The following ARFGEF1 variants were observed in gnomAD, a reference collection of about 807,000 sequenced individuals.
ARFGEF1 encodes the protein ARF guanine nucleotide exchange factor 1, also known as brefeldin A-inhibited guanine nucleotide-exchange protein 1.
In ARFGEF1, 42 loss-of-function variants were observed where a neutral mutation model predicts 231.0. That is an observed-to-expected ratio of 0.18 (90% confidence interval 0.14 to 0.24). The LOEUF is 0.24. ARFGEF1 is among the 10% of genes least tolerant of loss of function. The pLI, the probability that ARFGEF1 is intolerant of heterozygous loss-of-function variation, is 1.00. For synonymous variants in ARFGEF1, 710 were observed against 732.3 expected, an observed-to-expected ratio of 0.97 and a Z score of 0.49; for missense variants, 1,345 against 2,192.0, an observed-to-expected ratio of 0.61 and a Z score of 7.72.
In ARFGEF1 at chr8:67,204,695, G is replaced by A. The variant is rs746594851; in HGVS notation, c.4944C>T (p.Asn1648=). The stretch of plus-strand genomic sequence containing the variant: ...ATCTCCTTACCTGTGCTGCAGCTAA[G>A]TTTTCTGCATCTTCTTTCTTACTTG... ...PATSKKEDAE[N]LAAAQRDAVD... is the part of the protein sequence containing the mutation. The change falls in exon 35 of 39, where the codon AAC becomes AAT. Residue 1648 remains asparagine (N), a synonymous_variant. Transcript: ENST00000262215. 30 of 1,613,560 alleles carry A rather than the reference G, an allele frequency of 1.9e-5. No individual in the cohort carries two copies. The highest frequency in any genetic ancestry group is 3.3e-4 in the Middle Eastern group (2 of 6,084).
chr8:67,262,683 A>G (rs542717817), intron 14 of ARFGEF1, among the ~76,000 whole-genome samples: 17 of 152,344 alleles, frequency 1.1e-4, no homozygotes, highest in Admixed American at 8.5e-4. Context: ...AGCTTTCAGC[A>G]ATCACCACCC....
At chr8:67,333,537 C>A (rs1362746716) in intron 1 of ARFGEF1, among the ~76,000 whole-genome samples, 1 of 151,746 alleles carries the variant, frequency 6.6e-6, no homozygotes, top group African/African-American at 2.4e-5. Context: ...TGGTATTGAA[C>A]TCCTGGGATC....
chr8:67,265,202 T>G (rs994630759), intron 14 of ARFGEF1, among the ~76,000 whole-genome samples: 3 of 152,206 alleles, frequency 2.0e-5, no homozygotes. Context: ...AGAATATGTG[T>G]ACATTTTTGT....
intron 1 of ARFGEF1, among the ~76,000 whole-genome samples, chr8:67,311,231 G>A (rs1437174461): frequency 1.4e-5 from 2 of 143,760 alleles, no homozygotes; most frequent in East Asian, 2.1e-4. Context: ...CCGTCCGGGA[G>A]GGAGGTGGGG....
chr8:67,320,655 G>A (rs1257944029), intron 1 of ARFGEF1, among the ~76,000 whole-genome samples: 2 of 152,138 alleles, frequency 1.3e-5, no homozygotes, highest in Non-Finnish European at 2.9e-5. Context: ...CATACACTCA[G>A]CAGTAAAAAA....
chr8:67,219,248 T>C (rs1479624622), intron 30 of ARFGEF1, among the ~76,000 whole-genome samples, 183 bp downstream of exon 30: 1 of 152,264 alleles, frequency 6.6e-6, no homozygotes, highest in South Asian at 2.1e-4. Flanking sequence ...ATTACAGGCG[T>C]GAGCCACTGC....
chr8:67,337,425 A>T (rs1338236796), intron 1 of ARFGEF1, among the ~76,000 whole-genome samples: 1 of 152,148 alleles, frequency 6.6e-6, no homozygotes, highest in Non-Finnish European at 1.5e-5. Flanking sequence ...TGTGGATTCC[A>T]AAATATATTC....
At chr8:67,243,536 A>G (rs1015449590) in intron 19 of ARFGEF1, among the ~76,000 whole-genome samples, 3 of 152,206 alleles carry the variant, frequency 2.0e-5, no homozygotes, top group Non-Finnish European at 2.9e-5. Flanking sequence ...GGTCTCTCTC[A>G]TGACACATGG....
chr8:67,194,594 T>C (rs1837354322), downstream of ARFGEF1, among the ~76,000 whole-genome samples: 3 of 152,282 alleles, frequency 2.0e-5, no homozygotes, highest in South Asian at 6.2e-4. Context: ...TTTTAATGTC[T>C]ACACTGTTTT....
intron 38 of ARFGEF1, 190 bp from the exon 39 acceptor site, chr8:67,199,288 C>T: frequency 1.8e-6 from 1 of 554,812 alleles, no homozygotes; most frequent in South Asian, 2.5e-5. Flanking sequence ...AAACACTATT[C>T]ACTTACATAT....
At chr8:67,186,964 A>G (rs1171021892) in intron 5 of ARFGEF1, among the ~76,000 whole-genome samples, 2 of 141,430 alleles carry the variant, frequency 1.4e-5, no homozygotes, top group Non-Finnish European at 3.1e-5. Flanking sequence ...GTATAAATCT[A>G]TCTATCATCT....
chr8:67,189,631 T>G lies in ARFGEF1; in HGVS notation c.560+10765A>C, dbSNP rs562309061. On this transcript the variant is annotated intron_variant, in intron 5 of 5. Coordinates refer to the ARFGEF1 transcript ENST00000518789. ...TATAAATGTTAAATTTTCTGAATGT[T>G]ATAATTAGATTTTTGCAGTGTAGGA... Among the ~76,000 whole-genome samples, 8 of 152,316 alleles carry G rather than the reference T, an allele frequency of 5.3e-5. No homozygotes were observed. In the South Asian group the frequency reaches 1.7e-3, roughly 32 times the overall value.
chr8:67,281,909 T>A (rs1805551740), intron 7 of ARFGEF1, among the ~76,000 whole-genome samples: 1 of 152,108 alleles, frequency 6.6e-6, no homozygotes, highest in African/African-American at 2.4e-5. Flanking sequence ...CTTTCCTGAA[T>A]GACGTAAAAG....
At chr8:67,220,064 C>A (rs1358941829) in intron 29 of ARFGEF1, among the ~76,000 whole-genome samples, 1 of 152,200 alleles carries the variant, frequency 6.6e-6, no homozygotes, top group Non-Finnish European at 1.5e-5. Context: ...GGCATAAGCT[C>A]CATGAGGGGA....
rs543512554 is a variant in ARFGEF1, at chr8:67,197,940, T to C, written c.*994A>G. The stretch of plus-strand genomic sequence containing the variant: ...TCCGCAAACCATGCCAGATTTGTTA[T>C]TTTAATATATTCAACGTTAAATTCT... On this transcript the variant is annotated 3_prime_UTR_variant, in exon 39 of 39. Coordinates refer to ENST00000262215, the MANE Select transcript of ARFGEF1 (RefSeq NM_006421.5). 4.1e-6 allele frequency: 4 copies of C among 985,876 alleles called. No individual in the cohort carries two copies. In the African/African-American group the frequency reaches 5.2e-5, roughly 13 times the overall value. 61.1% of individuals were successfully genotyped at this position (985,876 alleles called of 1,614,324 possible). A position where few individuals can be genotyped will look rare whatever the true frequency, so the allele number is the denominator to read the frequency against.
Position 67,240,255 on chromosome 8 carries a change from C to G in ARFGEF1, c.2886G>C (p.Val962=), listed in dbSNP as rs754013968. The part of the protein sequence containing the change: ...AWTPFLAAFS[V]GLQDCDDTEV... The stretch of plus-strand genomic sequence containing the variant: ...CAGTATCATCACAATCTTGTAGACC[C>G]ACACTGAATGCAGCCAGAAAAGGCG... Residue 962 remains valine, a synonymous_variant, in exon 20 of 39, where the codon GTG becomes GTC. Transcript: ENST00000262215. 4 of 1,608,956 alleles carry G rather than the reference C, an allele frequency of 2.5e-6. No individual in the cohort carries two copies. In the South Asian group the frequency reaches 4.5e-5, roughly 18 times the overall value.
chr8:67,302,561 C>T, intron 1 of ARFGEF1, 95 bp from the exon 2 acceptor site: 3 of 864,766 alleles, frequency 3.5e-6, no homozygotes, highest in Non-Finnish European at 5.1e-6. Flanking sequence ...GGAACTTCTA[C>T]AAAAAGTTGG....
At chr8:67,306,989 G>C (rs1158634580) in intron 1 of ARFGEF1, among the ~76,000 whole-genome samples, 1 of 152,184 alleles carries the variant, frequency 6.6e-6, no homozygotes, top group Non-Finnish European at 1.5e-5. Context: ...ATGTTGGCCA[G>C]GCTGGTCTCG....
intron 23 of ARFGEF1, 104 bp downstream of exon 23, chr8:67,232,751 T>C: frequency 1.2e-6 from 1 of 861,944 alleles, no homozygotes; most frequent in Non-Finnish European, 1.8e-6. Context: ...TATATTACTT[T>C]AGAAAAATGA....
Sources: allele counts gnomAD v4.1 joint callset (sites outside exome capture counted in the v4.1 genomes callset), GRCh38; gene constraint gnomAD v4.1.1; transcripts MANE v1.5; gene names NCBI Gene and HGNC (gene_info 2026-07-23, HGNC 2026-07-21).